The following KIR2DL1 variants were observed in gnomAD, a reference collection of about 807,000 sequenced individuals.
KIR2DL1 encodes killer cell immunoglobulin like receptor, two Ig domains and long cytoplasmic tail 1.
In KIR2DL1, 38 loss-of-function variants were observed where a neutral mutation model predicts 33.9. The observed-to-expected ratio is 1.12, with a 90% CI of 0.86 to 1.47. KIR2DL1 has a LOEUF of 1.47. KIR2DL1 is among the 40% of genes most tolerant of loss of function. KIR2DL1 has a pLI of 0.00. For missense variants in KIR2DL1, 531 were observed against 433.9 expected (o/e 1.22, Z -1.99); for synonymous variants, 179 against 165.9 (o/e 1.08, Z -0.61).
In KIR2DL1 at chr19:54,783,478, T is replaced by C. The variant is rs2077280652; in HGVS notation, c.818-8T>C. On this transcript the variant is annotated splice_polypyrimidine_tract_variant and splice_region_variant and intron_variant, in intron 6 of 7. Transcript: ENST00000336077. ...CCGAGCTGTTTTGTTGACTTCCATC[T>C]TCTACAGATGCTGCGGTAATGGACC... The C allele has an allele frequency of 1.2e-6, 2 of 1,612,990 alleles. No homozygotes were observed. The highest frequency in any genetic ancestry group is 1.7e-6 in the Non-Finnish European group (2 of 1,179,344).
rs370078401 is a variant in KIR2DL1, at chr19:54,782,852, G to T, written c.716-70G>T. On this transcript the variant is annotated intron_variant, in intron 5 of 7. Transcript: ENST00000336077. ...TTTTATGTGGTTACCTGTCAATCAA[G>T]AAATGCGAGACAATTCATAAAGAGG... 270 of 1,544,594 alleles carry T rather than the reference G, an allele frequency of 1.7e-4. 2 individuals are homozygous for T. The East Asian group carries it at 4.5e-3, about 26-fold the overall frequency.
Position 54,770,906 on chromosome 19 carries a change from C to A in KIR2DL1, c.70+22C>A, listed in dbSNP as rs200455789. On this transcript the variant is annotated intron_variant, in intron 2 of 7. Coordinates refer to ENST00000336077, the MANE Select transcript of KIR2DL1 (RefSeq NM_014218.3). ...GAGGGTGAGTCCTTCTCCCAACCTTCGGGTGTCATCTCCCCACATAAGAGG... is the reference window on the plus strand; with the variant it reads ...GAGGGTGAGTCCTTCTCCCAACCTTAGGGTGTCATCTCCCCACATAAGAGG... The A allele has an allele frequency of 2.7e-4, 420 of 1,575,748 alleles. 23 individuals carry two copies. The highest frequency in any genetic ancestry group is 1.7e-3 in the African/African-American group (119 of 71,300).
chr19:54,770,850 G>A lies in KIR2DL1; in HGVS notation c.36G>A (p.Gly12=). ...SLLVVSMACV[G]FFLLQGAWPH... is the part of the protein sequence containing the mutation. ...ATCCATCATGATCTTTCTTTCCAGG[G>A]TTCTTCTTGCTGCAGGGGGCCTGGC... The change falls in exon 2 of 8, where the codon GGG becomes GGA. Residue 12 remains glycine (G), a splice_region_variant and synonymous_variant. Transcript: ENST00000336077. 6.3e-7 allele frequency: 1 copy of A among 1,584,718 alleles called. No homozygotes were observed. The highest frequency in any genetic ancestry group is 8.6e-7 in the Non-Finnish European group (1 of 1,156,652).
At chr19:54,776,783 G>C (rs1201237993) in intron 4 of KIR2DL1, among the ~76,000 whole-genome samples, 2 of 146,376 alleles carry the variant, frequency 1.4e-5, no homozygotes, top group East Asian at 3.9e-4. Context: ...TGGGATTACA[G>C]GTGCACACCA....
intron 6 of KIR2DL1, 43 bp downstream of exon 6, chr19:54,783,066 G>C (rs1464217589): frequency 1.9e-6 from 3 of 1,591,586 alleles, no homozygotes; most frequent in Non-Finnish European, 2.6e-6. Context: ...AGGGCCATGT[G>C]GGGAAGCAGG....
At chr19:54,782,893 C>G (rs948224372) in intron 5 of KIR2DL1, 29 bp from the exon 6 acceptor site, 1 of 1,598,794 alleles carries the variant, frequency 6.3e-7, no homozygotes, top group Non-Finnish European at 8.6e-7. Flanking sequence ...CTAAGATTAG[C>G]TTCTTATTGG....
chr19:54,783,371 G>A (rs1362903764), intron 6 of KIR2DL1, 115 bp from the exon 7 acceptor site: 57 of 1,148,404 alleles, frequency 5.0e-5, no homozygotes, highest in Admixed American at 1.6e-4. Context: ...GTCTGCTGTT[G>A]GCAACTGAGG....
At chr19:54,777,711 G>T (rs1217394288) in intron 4 of KIR2DL1, among the ~76,000 whole-genome samples, 9 of 146,838 alleles carry the variant, frequency 6.1e-5, no homozygotes, top group Non-Finnish European at 1.2e-4. Flanking sequence ...TCGATTACTT[G>T]TGTTTTGAAG....
At chr19:54,771,901 G>A (rs2075771314) in intron 2 of KIR2DL1, among the ~76,000 whole-genome samples, 2 of 147,586 alleles carry the variant, frequency 1.4e-5, no homozygotes, top group Admixed American at 6.9e-5. Context: ...CAGGTCAGAG[G>A]GCTCCTGTCT....
chr19:54,776,949 AGT>A (rs2076421525), intron 4 of KIR2DL1, among the ~76,000 whole-genome samples: 1 of 149,086 alleles, frequency 6.7e-6, no homozygotes. Context: ...ACCTCTTTTT[AGT>A]TCTTTAAAGG....
At position 54,771,217 on chromosome 19, in the gene KIR2DL1, C is replaced by T. The variant is rs2075680749; in HGVS notation, c.70+333C>T. ...TGCAGTGTGGCTGCTGTCATTCTAC[C>T]AGAAGAGGTGGGAAAACCACAGCCA... is the stretch of plus-strand genomic sequence containing the variant. On this transcript the variant is annotated intron_variant, in intron 2 of 7. Transcript: ENST00000336077. Among the ~76,000 whole-genome samples the T allele has an allele frequency of 1.3e-5, 2 of 148,510 alleles. 1 individual carries two copies. Among genetic ancestry groups the T allele is most frequent in the Admixed American group, 1.4e-4 (2 of 14,684 alleles).
intron 5 of KIR2DL1, among the ~76,000 whole-genome samples, chr19:54,781,657 C>T (rs983097596): frequency 7.9e-5 from 12 of 152,052 alleles, no homozygotes; most frequent in African/African-American, 2.9e-4. Context: ...GTCCTTCCCC[C>T]AGCCTCTCGG....
chr19:54,775,670 C>A (rs1356069929), intron 4 of KIR2DL1, among the ~76,000 whole-genome samples: 4 of 148,358 alleles, frequency 2.7e-5, no homozygotes, highest in African/African-American at 9.8e-5. Context: ...CTCCAGGCAC[C>A]CAGGCAGATG....
Position 54,776,503 on chromosome 19 carries a change from G to C in KIR2DL1, c.664+1045G>C, listed in dbSNP as rs1473797267. On this transcript the variant is annotated intron_variant, in intron 4 of 7. Coordinates refer to ENST00000336077, the MANE Select transcript of KIR2DL1 (RefSeq NM_014218.3). ...TCACCCACTGATGGGCAGGTAGGTT[G>C]ACTCCTCATCTTGGCTACTGTGAAC... is the stretch of plus-strand genomic sequence containing the variant. Among the ~76,000 whole-genome samples the C allele has an allele frequency of 8.3e-4, 122 of 147,138 alleles. 14 individuals carry two copies. Among genetic ancestry groups the C allele is most frequent in the Non-Finnish European group, 1.1e-3 (75 of 65,960 alleles).
intron 5 of KIR2DL1, 33 bp downstream of exon 5, chr19:54,778,695 G>C: frequency 6.8e-7 from 1 of 1,481,420 alleles, no homozygotes; most frequent in East Asian, 2.2e-5. Flanking sequence ...TCCGCTTTTG[G>C]AACCCTGGGG....
At chr19:54,779,180 G>C (rs1159260005) in intron 5 of KIR2DL1, among the ~76,000 whole-genome samples, 2 of 148,084 alleles carry the variant, frequency 1.4e-5, no homozygotes, top group Admixed American at 1.4e-4. Context: ...TGCTCAGGCT[G>C]TGCAGTGTGG....
chr19:54,772,052 A>ACGCTGTG (rs2075795069), intron 2 of KIR2DL1, among the ~76,000 whole-genome samples: 1 of 147,066 alleles, frequency 6.8e-6, no homozygotes, highest in African/African-American at 2.5e-5. Flanking sequence ...GGGAAGAATA[A>ACGCTGTG]TTGTCCCCAG....
In KIR2DL1 at chr19:54,773,266, C is replaced by G. The variant is rs2075960293; in HGVS notation, c.71-67C>G. Reference sequence around the variant, plus strand: ...GACACCAGGAAGGGGAAGCCTGACTCAATCCAGGTGCCATGGATGGGATGA... The same window carrying G: ...GACACCAGGAAGGGGAAGCCTGACTGAATCCAGGTGCCATGGATGGGATGA... On this transcript the variant is annotated intron_variant, in intron 2 of 7. Coordinates refer to ENST00000336077, the MANE Select transcript of KIR2DL1 (RefSeq NM_014218.3). The G allele has an allele frequency of 4.7e-6, 7 of 1,482,000 alleles. 2 individuals are homozygous for G. Among genetic ancestry groups the G allele is most frequent in the South Asian group, 1.2e-5 (1 of 83,438 alleles). The allele number at this position is 1,482,000 out of a possible 1,614,324, so 91.8% of individuals were successfully genotyped here. A position where few individuals can be genotyped will look rare whatever the true frequency, so the allele number is the denominator to read the frequency against.
intron 5 of KIR2DL1, among the ~76,000 whole-genome samples, chr19:54,781,941 C>T (rs1428205850): frequency 1.3e-5 from 2 of 152,106 alleles, no homozygotes; most frequent in African/African-American, 2.4e-5. Flanking sequence ...TGCACCTGGG[C>T]CTATGCCAAT....
Sources: allele counts gnomAD v4.1 joint callset (sites outside exome capture counted in the v4.1 genomes callset), GRCh38; gene constraint gnomAD v4.1.1; transcripts MANE v1.5; gene names NCBI Gene and HGNC (gene_info 2026-07-23, HGNC 2026-07-21).